ST6GALNAC5: variants seen among roughly 807,000 people sequenced by gnomAD.
The protein encoded by ST6GALNAC5 is ST6 N-acetylgalactosaminide alpha-2,6-sialyltransferase 5.
A neutral mutation model predicts 33.6 loss-of-function variants in ST6GALNAC5; 27 were observed. The observed-to-expected ratio is 0.80, with a 90% CI of 0.59 to 1.11. ST6GALNAC5 has a LOEUF of 1.11. Ranked by LOEUF, ST6GALNAC5 falls within the 50% of genes least tolerant of loss-of-function variation. The pLI is 0.00. For missense variants in ST6GALNAC5, 428 were observed against 454.0 expected, an observed-to-expected ratio of 0.94 and a Z score of 0.52; for synonymous variants, 194 against 171.2, an observed-to-expected ratio of 1.13 and a Z score of -1.04.
chr1:76,985,112 C>T (rs1102444), intron 2 of ST6GALNAC5, among the ~76,000 whole-genome samples: 3,907 of 152,186 alleles, frequency 0.026, 173 homozygotes, highest in African/African-American at 0.09. Flanking sequence ...CACAAGAAAA[C>T]GATGCCCTCT....
At chr1:76,906,776 C>T (rs182896670) in intron 2 of ST6GALNAC5, among the ~76,000 whole-genome samples, 1 of 152,278 alleles carries the variant, frequency 6.6e-6, no homozygotes, top group East Asian at 1.9e-4. Context: ...CTCCCTCCTG[C>T]ATATCCAACT....
chr1:76,973,124 G>A (rs1331461002), intron 2 of ST6GALNAC5, among the ~76,000 whole-genome samples: 1 of 151,858 alleles, frequency 6.6e-6, no homozygotes, highest in Non-Finnish European at 1.5e-5. Context: ...TTATTTGCTT[G>A]CTTCTGGTTT....
chr1:76,868,653 C>A lies in ST6GALNAC5; in HGVS notation c.172C>A (p.Pro58Thr). ...QQASATGSSQ[P>T]AAESSTQQRP... ...GGCGTCGGCCACCGGCAGCTCGCAG[C>A]CGGCGGCGGAGAGCAGCACCCAGCA... The change falls in exon 2 of 5, where the codon CCG (proline) becomes ACG (threonine). Residue 58 changes from proline (P) to threonine (T), a missense_variant. Coordinates refer to ENST00000477717, the MANE Select transcript of ST6GALNAC5 (RefSeq NM_030965.3). This position sits in a 1 kb window ranked among gnomAD's most constrained non-coding sequence, Gnocchi z 4.3. 6.3e-7 allele frequency: 1 copy of A among 1,597,964 alleles called. No homozygotes were observed. Among genetic ancestry groups the A allele is most frequent in the South Asian group, 1.1e-5 (1 of 89,832 alleles).
chr1:76,962,302 CAG>C (rs1648271940), intron 2 of ST6GALNAC5, among the ~76,000 whole-genome samples: 1 of 152,120 alleles, frequency 6.6e-6, no homozygotes, highest in South Asian at 2.1e-4. Flanking sequence ...AGTTGAAAGA[CAG>C]TGAGGAGAAA....
chr1:77,002,060 G>A (rs1277108856), intron 2 of ST6GALNAC5, among the ~76,000 whole-genome samples: 5 of 150,906 alleles, frequency 3.3e-5, no homozygotes, highest in African/African-American at 4.9e-5. Flanking sequence ...GTTTCAGAAG[G>A]AATGGTACCA....
At chr1:76,923,944 C>T (rs576601797) in intron 2 of ST6GALNAC5, among the ~76,000 whole-genome samples, 12 of 152,198 alleles carry the variant, frequency 7.9e-5, no homozygotes, top group Admixed American at 5.2e-4. Flanking sequence ...CATGCACTTT[C>T]CTGAGCTTTT....
chr1:77,041,881 C>T (rs1015301596), intron 2 of ST6GALNAC5, among the ~76,000 whole-genome samples: 1 of 152,182 alleles, frequency 6.6e-6, no homozygotes, highest in Non-Finnish European at 1.5e-5. Flanking sequence ...GTGGTAACAA[C>T]ACTACTGATT....
chr1:76,978,495 A>G (rs1460000227), intron 2 of ST6GALNAC5, among the ~76,000 whole-genome samples: 1 of 152,216 alleles, frequency 6.6e-6, no homozygotes, highest in African/African-American at 2.4e-5. Flanking sequence ...TAAATGTGAT[A>G]CATCACATTA....
At position 77,001,499 on chromosome 1, in the gene ST6GALNAC5, A is replaced by G. The variant is rs1457839025; in HGVS notation, c.262-42705A>G. On this transcript the variant is annotated intron_variant, in intron 2 of 4. Transcript: ENST00000477717. ...TACCCTTTATTTCCTTCTCCTGCCT[A>G]ATTGCCCTGGCCAGAACTTCCAACA... Among the ~76,000 whole-genome samples, 428 of 138,824 alleles carry G rather than the reference A, an allele frequency of 3.1e-3. 2 individuals are homozygous for G. Among genetic ancestry groups the G allele is most frequent in the African/African-American group, 9.6e-3 (362 of 37,766 alleles). 91.1% of individuals were successfully genotyped at this position (138,824 alleles called of 152,430 possible).
At chr1:76,992,497 T>C (rs1029936939) in intron 2 of ST6GALNAC5, among the ~76,000 whole-genome samples, 1 of 151,760 alleles carries the variant, frequency 6.6e-6, no homozygotes, top group Admixed American at 6.6e-5. Flanking sequence ...CTCTTTAATT[T>C]AATTTTATTT....
chr1:77,066,956 G>A lies in ST6GALNAC5; in HGVS notation c.*3750G>A, dbSNP rs539653184. On this transcript the variant is annotated 3_prime_UTR_variant, in exon 5 of 5. Coordinates refer to ENST00000477717, the MANE Select transcript of ST6GALNAC5 (RefSeq NM_030965.3). Reference sequence around the variant, plus strand: ...TAGGTCCTGCCAGAGTAATGACCATGGTAGGTGGGAGGAATATATCTGGCT... The same window carrying A: ...TAGGTCCTGCCAGAGTAATGACCATAGTAGGTGGGAGGAATATATCTGGCT... Among the ~76,000 whole-genome samples the A allele has an allele frequency of 1.3e-5, 2 of 152,256 alleles. No individual in the cohort carries two copies. The highest frequency in any genetic ancestry group is 4.8e-5 in the African/African-American group (2 of 41,546).
At position 77,067,392 on chromosome 1, in the gene ST6GALNAC5, G is replaced by T. The variant is rs1333213818; in HGVS notation, c.*4186G>T. Among the ~76,000 whole-genome samples the T allele has an allele frequency of 6.6e-6, 1 of 152,080 alleles. No individual in the cohort carries two copies. Among genetic ancestry groups the T allele is most frequent in the African/African-American group, 2.4e-5 (1 of 41,388 alleles). On this transcript the variant is annotated 3_prime_UTR_variant, in exon 5 of 5. Transcript: ENST00000477717. ...TATATACTACCTTGAATTGTGCTTC[G>T]TCTTTTTATGCATGTGTCCTGTTAG...
intron 2 of ST6GALNAC5, among the ~76,000 whole-genome samples, chr1:76,893,801 C>T (rs1654064176): frequency 6.6e-6 from 1 of 152,138 alleles, no homozygotes; most frequent in Non-Finnish European, 1.5e-5. Flanking sequence ...GCTGGGACTA[C>T]AGGTGCGTGC....
chr1:76,978,891 C>T (rs967783847), intron 2 of ST6GALNAC5, among the ~76,000 whole-genome samples: 10 of 151,898 alleles, frequency 6.6e-5, no homozygotes, highest in Non-Finnish European at 1.2e-4. Flanking sequence ...AAGATTGCAC[C>T]AAAAAACTGT....
chr1:77,062,716 AG>A (rs1652619510), intron 4 of ST6GALNAC5, among the ~76,000 whole-genome samples: 2 of 152,168 alleles, frequency 1.3e-5, no homozygotes, highest in Admixed American at 6.6e-5. Flanking sequence ...ATTAATATGT[AG>A]GGTCTAAATC....
intron 2 of ST6GALNAC5, among the ~76,000 whole-genome samples, chr1:76,912,099 T>C (rs1646919793): frequency 6.6e-6 from 1 of 152,170 alleles, no homozygotes. Flanking sequence ...GTTTTGAATG[T>C]GTCCCAGAGA....
At chr1:76,895,368 C>T (rs1229990264) in intron 2 of ST6GALNAC5, among the ~76,000 whole-genome samples, 8 of 151,952 alleles carry the variant, frequency 5.3e-5, no homozygotes, top group Admixed American at 5.2e-4. Flanking sequence ...GCGTGGGAAC[C>T]TAGAGTGGGA....
At chr1:76,872,314 G>A (rs1653529417) in intron 2 of ST6GALNAC5, among the ~76,000 whole-genome samples, 1 of 152,088 alleles carries the variant, frequency 6.6e-6, no homozygotes, top group Non-Finnish European at 1.5e-5. Context: ...TATCACAGAA[G>A]GCCCACTATC....
rs558936371 is a variant in ST6GALNAC5, at chr1:77,020,999, C to T, written c.262-23205C>T. 1.5e-4 allele frequency among the ~76,000 whole-genome samples: 23 copies of T among 152,294 alleles called. No homozygotes were observed. In the East Asian group the frequency reaches 4.2e-3, roughly 28 times the overall value. ...AAGACAGAGAGCCAGGCAGAAGCCA[C>T]ATCACCAATTCTAATCTAGCCACAG... On this transcript the variant is annotated intron_variant, in intron 2 of 4. Transcript: ENST00000477717.
Sources: allele counts gnomAD v4.1 joint callset (sites outside exome capture counted in the v4.1 genomes callset), GRCh38; gene constraint gnomAD v4.1.1; non-coding constraint Gnocchi (gnomAD v3.1); transcripts MANE v1.5; gene names NCBI Gene and HGNC (gene_info 2026-07-23, HGNC 2026-07-21).